Variants in PLCH1 observed in about 807,000 individuals in gnomAD.
PLCH1 encodes the protein phospholipase C eta 1, also known as 1-phosphatidylinositol 4,5-bisphosphate phosphodiesterase eta-1.
PLCH1 carries 60 observed loss-of-function variants against 126.7 expected under a neutral mutation model. The observed-to-expected ratio is 0.47, with a 90% confidence interval of 0.38 to 0.59. The LOEUF (loss-of-function observed/expected upper bound fraction) is 0.59, where lower values mean the gene tolerates loss of function less well. Ranked by LOEUF, PLCH1 falls within the 20% of genes least tolerant of loss-of-function variation. PLCH1 has a pLI of 0.00. For missense variants in PLCH1, 1,723 were observed against 2,040.0 expected (o/e 0.84, Z 2.99); for synonymous variants, 719 against 734.9 (o/e 0.98, Z 0.35).
At chr3:155,742,630 A>C (rs1206952912) in intron 1 of PLCH1, 1 of 152,194 alleles carries the variant, frequency 6.6e-6, no homozygotes, top group African/African-American at 2.4e-5. Flanking sequence ...CAAGCCACCA[A>C]ATAGGGTCAC....
intron 21 of PLCH1, chr3:155,456,768 C>A (rs190188509): frequency 3.9e-5 from 6 of 152,714 alleles, no homozygotes. Context: ...CTTTTGTTTC[C>A]TTCCCACTCC....
chr3:155,675,197 G>A (rs1365700194), intron 2 of PLCH1, among the ~76,000 whole-genome samples: 2 of 152,190 alleles, frequency 1.3e-5, no homozygotes, highest in Admixed American at 6.5e-5. Context: ...CAGGCTTTCA[G>A]ATCAGCATTG....
rs754264520 is a variant in PLCH1 at position 155,482,611 on chromosome 3, C to T, written c.3415G>A (p.Ala1139Thr). ...NLEGNRGKGR[A>T]ATSFSLSDVS... ...TCTGACAAAGAAAAGGATGTTGCAGCTCGGCCCTTACCCCTATTACCTTCC... is the reference window on the plus strand; with the variant it reads ...TCTGACAAAGAAAAGGATGTTGCAGTTCGGCCCTTACCCCTATTACCTTCC... The change falls in exon 23 of 23, where the codon GCT becomes ACT. Residue 1139 changes from alanine (A) to threonine (T), a missense_variant. Ala to Thr is a moderately conservative substitution (Grantham distance 58). Transcript: ENST00000460012. The T allele has an allele frequency of 9.9e-6, 16 of 1,614,164 alleles. No homozygotes were observed. The South Asian group carries it at 1.6e-4, about 17-fold the overall frequency.
At chr3:155,526,113 GA>G (rs1209643644) in intron 10 of PLCH1, among the ~76,000 whole-genome samples, 1 of 152,080 alleles carries the variant, frequency 6.6e-6, no homozygotes, top group Non-Finnish European at 1.5e-5. Flanking sequence ...GTGGGAGGTG[GA>G]ACAAAACCAG....
intron 21 of PLCH1, among the ~76,000 whole-genome samples, chr3:155,456,511 C>A (rs1288720728): frequency 6.6e-6 from 1 of 152,186 alleles, no homozygotes; most frequent in African/African-American, 2.4e-5. Context: ...CCTACCTGGG[C>A]AACCTCACTT....
chr3:155,743,492 A>G (rs1353201614), intron 1 of PLCH1: 6 of 436,514 alleles, frequency 1.4e-5, no homozygotes, highest in Non-Finnish European at 2.3e-5. Flanking sequence ...AGATCGCACC[A>G]CTGCACTCCA....
At chr3:155,615,286 A>G (rs1560251126) in intron 2 of PLCH1, among the ~76,000 whole-genome samples, 1 of 152,152 alleles carries the variant, frequency 6.6e-6, no homozygotes, top group Non-Finnish European at 1.5e-5. Flanking sequence ...AAAAAATACT[A>G]AGTGTTGGCA....
intron 2 of PLCH1, among the ~76,000 whole-genome samples, chr3:155,622,358 G>C (rs1246856079): frequency 6.6e-6 from 1 of 152,022 alleles, no homozygotes. Context: ...ATCAACTAAC[G>C]GGCAAAATAA....
At chr3:155,470,966 A>G (rs1440631494) in intron 21 of PLCH1, among the ~76,000 whole-genome samples, 1 of 152,150 alleles carries the variant, frequency 6.6e-6, no homozygotes, top group Non-Finnish European at 1.5e-5. Context: ...CAGCTACTGC[A>G]AAATCATGCC....
chr3:155,518,296 T>C (rs1720623710), intron 11 of PLCH1, among the ~76,000 whole-genome samples: 1 of 152,178 alleles, frequency 6.6e-6, no homozygotes, highest in Non-Finnish European at 1.5e-5. Context: ...GATACTTCAT[T>C]TGAGCTGCTG....
At chr3:155,704,465 T>C (rs907617049) in intron 1 of PLCH1, among the ~76,000 whole-genome samples, 2 of 152,112 alleles carry the variant, frequency 1.3e-5, no homozygotes, top group African/African-American at 4.8e-5. Flanking sequence ...ATTTAGCATA[T>C]CAAAACAGTA....
At chr3:155,544,519 G>C (rs1333848524) in intron 10 of PLCH1, among the ~76,000 whole-genome samples, 2 of 152,272 alleles carry the variant, frequency 1.3e-5, no homozygotes, top group East Asian at 3.9e-4. Flanking sequence ...ATTGAAGTCA[G>C]CTCTGCACCA....
intron 11 of PLCH1, among the ~76,000 whole-genome samples, chr3:155,517,421 G>T (rs2108259066): frequency 6.6e-6 from 1 of 152,326 alleles, no homozygotes; most frequent in East Asian, 1.9e-4. Context: ...GAGGCCAAAA[G>T]TATGAAGTCT....
chr3:155,488,344 T>C (rs1264346164), intron 20 of PLCH1, among the ~76,000 whole-genome samples: 1 of 152,076 alleles, frequency 6.6e-6, no homozygotes, highest in Non-Finnish European at 1.5e-5. Flanking sequence ...ATTACAGGCA[T>C]GCACCACCAC....
intron 1 of PLCH1, among the ~76,000 whole-genome samples, chr3:155,738,011 C>A (rs1749325520): frequency 6.6e-6 from 1 of 152,210 alleles, no homozygotes; most frequent in African/African-American, 2.4e-5. Flanking sequence ...CAGTAACTCA[C>A]TGACGCTGGC....
chr3:155,502,602 T>G (rs1014139347), intron 13 of PLCH1, among the ~76,000 whole-genome samples: 3 of 152,150 alleles, frequency 2.0e-5, no homozygotes, highest in Admixed American at 2.0e-4. Context: ...AATGCAAAAA[T>G]TAGAAATAAG....
chr3:155,483,002 T>A lies in PLCH1; in HGVS notation c.3024A>T (p.Pro1008=), dbSNP rs1714426191. 1 of 1,614,004 alleles carries A rather than the reference T, an allele frequency of 6.2e-7. No individual in the cohort carries two copies. The highest frequency in any genetic ancestry group is 1.1e-5 in the South Asian group (1 of 91,080). Residue 1008 remains proline, a synonymous_variant, in exon 23 of 23, where the codon CCA becomes CCT. Transcript: ENST00000460012. The stretch of plus-strand genomic sequence containing the variant: ...ACTTTTTGTTGAAATTTAGAAAATG[T>A]GGATCTTTTATACTTGCTTTCCCTT... ...RRKGKASIKD[P]HFLNFNKKLS...
At chr3:155,503,886 G>C (rs1437434428) in intron 13 of PLCH1, among the ~76,000 whole-genome samples, 2 of 152,212 alleles carry the variant, frequency 1.3e-5, no homozygotes, top group Admixed American at 6.5e-5. Context: ...CTAAGTCATA[G>C]TACATAGTGC....
At chr3:155,744,195 C>T (rs1386840452) in intron 1 of PLCH1, among the ~76,000 whole-genome samples, 1 of 152,138 alleles carries the variant, frequency 6.6e-6, no homozygotes, top group Non-Finnish European at 1.5e-5. Flanking sequence ...ACCCGCAGCT[C>T]AGTCGCCAAG....
Sources: allele counts gnomAD v4.1 joint callset (sites outside exome capture counted in the v4.1 genomes callset), GRCh38; gene constraint gnomAD v4.1.1; transcripts MANE v1.5; gene names NCBI Gene and HGNC (gene_info 2026-07-23, HGNC 2026-07-21).